The following MKLN1 variants were observed in gnomAD, a reference collection of about 807,000 sequenced individuals.
MKLN1 encodes muskelin.
A neutral mutation model predicts 99.0 loss-of-function variants in MKLN1; 18 were observed. The observed-to-expected ratio is 0.18, with a 90% CI of 0.13 to 0.27. MKLN1 has a LOEUF of 0.27. MKLN1 is among the 10% of genes least tolerant of loss of function. The pLI is 1.00. For missense variants in MKLN1, 621 were observed against 875.9 expected (o/e 0.71, Z 3.67); for synonymous variants, 288 against 293.2 (o/e 0.98, Z 0.18).
intron 3 of MKLN1, among the ~76,000 whole-genome samples, chr7:131,312,922 T>C (rs945727443): frequency 1.3e-5 from 2 of 152,168 alleles, no homozygotes; most frequent in African/African-American, 4.8e-5. Context: ...ACAGCTCAAC[T>C]AGGGATGATG....
intron 3 of MKLN1, among the ~76,000 whole-genome samples, chr7:131,227,256 G>T (rs192917328): frequency 6.6e-6 from 1 of 152,046 alleles, no homozygotes; most frequent in Non-Finnish European, 1.5e-5. Context: ...GGGCACAACC[G>T]GAACCAACCA....
chr7:131,475,793 CAG>C (rs1333936750), intron 16 of MKLN1, among the ~76,000 whole-genome samples: 1 of 152,056 alleles, frequency 6.6e-6, no homozygotes, highest in Non-Finnish European at 1.5e-5. Flanking sequence ...ACCTTGGTGA[CAG>C]AGTGGGATCC....
At chr7:131,124,336 T>C (rs62472605) in intron 1 of MKLN1, among the ~76,000 whole-genome samples, 2 of 152,226 alleles carry the variant, frequency 1.3e-5, no homozygotes, top group Non-Finnish European at 2.9e-5. Flanking sequence ...ACCTGGGGGC[T>C]GAACACCTGG....
chr7:131,320,184 C>T (rs1393324669), intron 3 of MKLN1, among the ~76,000 whole-genome samples: 2 of 152,160 alleles, frequency 1.3e-5, no homozygotes, highest in Non-Finnish European at 2.9e-5. Flanking sequence ...AACTATACTG[C>T]AAGGCTACAG....
At chr7:131,296,481 G>T (rs1798293787) in intron 3 of MKLN1, among the ~76,000 whole-genome samples, 1 of 152,262 alleles carries the variant, frequency 6.6e-6, no homozygotes, top group South Asian at 2.1e-4. Context: ...GAGTGGGAAC[G>T]AGATTTTTCC....
chr7:131,413,211 A>G (rs1389338775), intron 7 of MKLN1, among the ~76,000 whole-genome samples: 5 of 152,328 alleles, frequency 3.3e-5, no homozygotes, highest in East Asian at 3.9e-4. Context: ...TGCACAATCT[A>G]AAGGCTTAAC....
At chr7:131,374,100 A>G (rs748546340) in intron 1 of MKLN1, among the ~76,000 whole-genome samples, 21 of 152,168 alleles carry the variant, frequency 1.4e-4, no homozygotes, top group Non-Finnish European at 2.8e-4. Context: ...ACCCTTTGAC[A>G]TGATCCATAC....
At chr7:131,286,213 G>A (rs961824433) in intron 3 of MKLN1, among the ~76,000 whole-genome samples, 4 of 152,212 alleles carry the variant, frequency 2.6e-5, no homozygotes, top group African/African-American at 7.2e-5. Flanking sequence ...GCCTCTCAAA[G>A]TGCTGGGATT....
chr7:131,237,228 T>G (rs1400791310), intron 3 of MKLN1, among the ~76,000 whole-genome samples: 3 of 152,224 alleles, frequency 2.0e-5, no homozygotes, highest in Non-Finnish European at 2.9e-5. Flanking sequence ...CTGTACAGTT[T>G]CATGTTGTTT....
intron 2 of MKLN1, among the ~76,000 whole-genome samples, chr7:131,178,406 G>T (rs1584811808): frequency 1.3e-5 from 2 of 150,436 alleles, no homozygotes; most frequent in South Asian, 2.1e-4. Context: ...CAAAGTGCTG[G>T]GATTACAGGC....
intron 1 of MKLN1, among the ~76,000 whole-genome samples, chr7:131,339,674 G>A (rs920867422): frequency 7.0e-6 from 1 of 142,198 alleles, no homozygotes; most frequent in Non-Finnish European, 1.5e-5. Flanking sequence ...ACTCCAGACT[G>A]GGTGACAGAG....
chr7:131,438,710 A>G lies in MKLN1; in HGVS notation c.1173+713A>G, dbSNP rs562636071. On this transcript the variant is annotated intron_variant, in intron 10 of 17. Coordinates refer to ENST00000352689, the MANE Select transcript of MKLN1 (RefSeq NM_013255.5). ...CATAAGCAAGTTTTTACCTGGCTCA[A>G]CCCATGTCCAAAGTTTTTTTTGATG... 7.9e-5 allele frequency among the ~76,000 whole-genome samples: 12 copies of G among 151,994 alleles called. No individual in the cohort carries two copies. In the South Asian group the frequency reaches 2.3e-3, roughly 29 times the overall value.
chr7:131,140,900 C>T (rs944962536), intron 1 of MKLN1, among the ~76,000 whole-genome samples: 6 of 152,098 alleles, frequency 3.9e-5, no homozygotes, highest in African/African-American at 1.4e-4. Context: ...CTGTCTCAGC[C>T]TCCCGAGTAG....
intron 2 of MKLN1, among the ~76,000 whole-genome samples, chr7:131,176,937 G>A (rs1796307984): frequency 6.6e-6 from 1 of 152,078 alleles, no homozygotes; most frequent in Non-Finnish European, 1.5e-5. Flanking sequence ...TAGGTAAATG[G>A]GCCTCAGGCT....
rs968956154 is a variant in MKLN1 at position 131,177,784 on chromosome 7, C to G, written c.-296-25073C>G. On this transcript the variant is annotated intron_variant, in intron 2 of 7. Coordinates refer to the MKLN1 transcript ENST00000416992. ...CTTTGTCACATTTCTATTCATATCACAGGCAATTGGGCTGGCTGCATAAAT... is the reference window on the plus strand; with the variant it reads ...CTTTGTCACATTTCTATTCATATCAGAGGCAATTGGGCTGGCTGCATAAAT... Among the ~76,000 whole-genome samples the G allele has an allele frequency of 5.3e-5, 8 of 152,326 alleles. No individual in the cohort carries two copies. The South Asian group carries it at 1.5e-3, about 28-fold the overall frequency.
chr7:131,201,772 C>T (rs1391267147), intron 2 of MKLN1, among the ~76,000 whole-genome samples: 1 of 152,144 alleles, frequency 6.6e-6, no homozygotes, highest in African/African-American at 2.4e-5. Context: ...CTTCTTTTAG[C>T]TTCTGACAAA....
chr7:131,306,357 C>T lies in MKLN1; in HGVS notation c.-178-69067C>T, dbSNP rs147009249. On this transcript the variant is annotated intron_variant, in intron 3 of 7. Transcript: ENST00000416992. ...ACTGGATTATGGGCAAAGGTTGGAACGGTTTGGACGGCTCAGAAGAATACA... is the reference window on the plus strand; with the variant it reads ...ACTGGATTATGGGCAAAGGTTGGAATGGTTTGGACGGCTCAGAAGAATACA... Among the ~76,000 whole-genome samples, 591 of 152,280 alleles carry T rather than the reference C, an allele frequency of 3.9e-3. 7 individuals are homozygous for T. The highest frequency in any genetic ancestry group is 0.013 in the African/African-American group (559 of 41,550).
At chr7:131,402,725 T>C (rs563562405) in intron 6 of MKLN1, among the ~76,000 whole-genome samples, 29 of 152,300 alleles carry the variant, frequency 1.9e-4, no homozygotes, top group Admixed American at 1.0e-3. Context: ...TCCATCAAGC[T>C]CTTGGGTGAC....
At chr7:131,447,813 GTAT>G (rs1047443839) in intron 12 of MKLN1, among the ~76,000 whole-genome samples, 1 of 152,136 alleles carries the variant, frequency 6.6e-6, no homozygotes, top group African/African-American at 2.4e-5. Flanking sequence ...TTAATTGGTG[GTAT>G]TATTCTAATG....
Sources: allele counts gnomAD v4.1 joint callset (sites outside exome capture counted in the v4.1 genomes callset), GRCh38; gene constraint gnomAD v4.1.1; transcripts MANE v1.5; gene names NCBI Gene and HGNC (gene_info 2026-07-23, HGNC 2026-07-21).